PTPRK: variants seen among roughly 807,000 people sequenced by gnomAD.
PTPRK encodes the protein receptor-type tyrosine-protein phosphatase kappa.
A neutral mutation model predicts 178.0 loss-of-function variants in PTPRK; 75 were observed. The ratio of observed to expected loss-of-function variants is 0.42; its 90% CI spans 0.35 to 0.51. PTPRK has a LOEUF of 0.51. Among genes scored for constraint, PTPRK ranks in the 20% least tolerant of loss-of-function variants. The pLI, the probability that PTPRK is intolerant of heterozygous loss-of-function variation, is 0.02. For missense variants in PTPRK, 1,441 were observed against 1,797.8 expected (o/e 0.80, Z 3.59); for synonymous variants, 637 against 620.6 (o/e 1.03, Z -0.39).
intron 1 of PTPRK, among the ~76,000 whole-genome samples, chr6:128,514,427 C>T (rs1187655069): frequency 6.6e-6 from 1 of 151,076 alleles, no homozygotes; most frequent in African/African-American, 2.4e-5. Flanking sequence ...TACATACTTA[C>T]ATCTTTCACA....
chr6:128,344,293 AG>A (rs1832095439), intron 2 of PTPRK, among the ~76,000 whole-genome samples: 1 of 152,148 alleles, frequency 6.6e-6, no homozygotes, highest in Admixed American at 6.5e-5. Context: ...TCCCACTCTC[AG>A]AAACCCTCCC....
chr6:128,082,424 T>C lies in PTPRK; in HGVS notation c.1777+13A>G, dbSNP rs6907300. The C allele has an allele frequency of 0.018, 27,939 of 1,578,498 alleles. 337 individuals are homozygous for C. Among genetic ancestry groups the C allele is most frequent in the Non-Finnish European group, 0.022 (25,561 of 1,147,648 alleles). On this transcript the variant is annotated intron_variant, in intron 10 of 29. Transcript: ENST00000368226. Reference sequence around the variant, plus strand: ...CATAATCAATCCTATTTGTAATTTATTCATTTGCATACCTGAGATATTGGT... The same window carrying C: ...CATAATCAATCCTATTTGTAATTTACTCATTTGCATACCTGAGATATTGGT...
intron 3 of PTPRK, among the ~76,000 whole-genome samples, chr6:128,280,222 C>A (rs1328563567): frequency 6.6e-6 from 1 of 152,100 alleles, no homozygotes; most frequent in African/African-American, 2.4e-5. Flanking sequence ...TTCTTGGTAA[C>A]CAGGTATCCT....
At chr6:128,281,853 C>G (rs1045664982) in intron 3 of PTPRK, among the ~76,000 whole-genome samples, 1 of 152,124 alleles carries the variant, frequency 6.6e-6, no homozygotes, top group South Asian at 2.1e-4. Flanking sequence ...CCATGAATCC[C>G]TATCAGAATT....
At chr6:128,278,399 G>C (rs1481727831) in intron 3 of PTPRK, among the ~76,000 whole-genome samples, 3 of 151,942 alleles carry the variant, frequency 2.0e-5, no homozygotes, top group Non-Finnish European at 4.4e-5. Flanking sequence ...TTTGTGATCT[G>C]CCCACCTTGG....
intron 11 of PTPRK, among the ~76,000 whole-genome samples, chr6:128,068,987 A>C (rs1009727553): frequency 2.0e-5 from 3 of 151,690 alleles, no homozygotes; most frequent in Non-Finnish European, 4.4e-5. Context: ...GAGAGAGGAG[A>C]GAGAGAGATA....
At chr6:128,271,697 G>T (rs773820028) in intron 3 of PTPRK, among the ~76,000 whole-genome samples, 8 of 151,958 alleles carry the variant, frequency 5.3e-5, no homozygotes, top group African/African-American at 9.7e-5. Context: ...AACTTTGAAG[G>T]AGTCATTAGT....
chr6:128,259,234 T>C (rs529384742), intron 3 of PTPRK, among the ~76,000 whole-genome samples: 77 of 152,250 alleles, frequency 5.1e-4, no homozygotes, highest in African/African-American at 6.7e-4. Context: ...CTCCACCCTA[T>C]AGGCTAGGTT....
intron 2 of PTPRK, among the ~76,000 whole-genome samples, chr6:128,369,139 T>TTATCCTGAAAGTACATTTATATACTGA (rs11275324): frequency 6.6e-6 from 1 of 151,806 alleles, no homozygotes; most frequent in South Asian, 2.1e-4. Context: ...GGGAAAGAGG[T>TTATCCTGAAAGTACATTTATATACTGA]TATTTCCCCA....
At chr6:128,133,845 C>A (rs918296608) in intron 7 of PTPRK, among the ~76,000 whole-genome samples, 2 of 152,012 alleles carry the variant, frequency 1.3e-5, no homozygotes, top group African/African-American at 2.4e-5. Flanking sequence ...AGCCACTACA[C>A]CTAGCCTAAA....
chr6:128,352,435 G>C lies in PTPRK; in HGVS notation c.224-30125C>G, dbSNP rs1025155272. On this transcript the variant is annotated intron_variant, in intron 2 of 29. Transcript: ENST00000368226. Reference sequence around the variant, plus strand: ...ACCTCTAGTTGCAGATCACTGTACAGTCCAGATTTGATTGCCTCTTCCTTG... The same window carrying C: ...ACCTCTAGTTGCAGATCACTGTACACTCCAGATTTGATTGCCTCTTCCTTG... Among the ~76,000 whole-genome samples, 94 of 147,240 alleles carry C rather than the reference G, an allele frequency of 6.4e-4. 2 individuals are homozygous for C. Among genetic ancestry groups the C allele is most frequent in the Admixed American group, 7.5e-4 (11 of 14,694 alleles).
intron 3 of PTPRK, among the ~76,000 whole-genome samples, chr6:128,268,545 G>T (rs980786004): frequency 6.6e-6 from 1 of 151,914 alleles, no homozygotes; most frequent in Non-Finnish European, 1.5e-5. Context: ...AAAGACAGGC[G>T]AAAAATGTAA....
intron 6 of PTPRK, among the ~76,000 whole-genome samples, chr6:128,191,900 G>A (rs1262592350): frequency 1.3e-5 from 2 of 152,054 alleles, no homozygotes; most frequent in African/African-American, 4.8e-5. Context: ...TTGAGGAGGA[G>A]AGTGCAAGCT....
chr6:128,176,245 T>G (rs1349628118), intron 7 of PTPRK, among the ~76,000 whole-genome samples: 2 of 151,918 alleles, frequency 1.3e-5, no homozygotes, highest in African/African-American at 4.8e-5. Flanking sequence ...TAGTAAATTT[T>G]GGGTAGGTTG....
chr6:128,117,478 T>C (rs1791730930), intron 7 of PTPRK, among the ~76,000 whole-genome samples: 1 of 152,168 alleles, frequency 6.6e-6, no homozygotes, highest in African/African-American at 2.4e-5. Context: ...ATTAGTAAGT[T>C]TGAATCCATT....
intron 13 of PTPRK, among the ~76,000 whole-genome samples, chr6:128,012,590 C>G (rs1242398910): frequency 6.6e-6 from 1 of 150,902 alleles, no homozygotes; most frequent in Admixed American, 6.6e-5. Flanking sequence ...ATTCTTTGTA[C>G]AACGAGAAAA....
intron 1 of PTPRK, chr6:128,472,666 C>A (rs1850857817): frequency 5.7e-6 from 2 of 349,066 alleles, no homozygotes; most frequent in Non-Finnish European, 1.1e-5. Flanking sequence ...TTGCATACAA[C>A]TTGCTCTTTA....
At chr6:128,200,420 A>T (rs78778667) in intron 6 of PTPRK, among the ~76,000 whole-genome samples, 1,640 of 152,230 alleles carry the variant, frequency 0.011, 31 homozygotes, top group African/African-American at 0.036. Flanking sequence ...AACTTCCTCC[A>T]CAGCATACAT....
At chr6:128,073,078 A>T (rs1168584669) in intron 11 of PTPRK, among the ~76,000 whole-genome samples, 1 of 152,120 alleles carries the variant, frequency 6.6e-6, no homozygotes, top group East Asian at 1.9e-4. Flanking sequence ...ATGATTTGAT[A>T]TTATACTGTT....
Sources: gnomAD v4.1 joint callset for allele counts (sites outside exome capture counted in the v4.1 genomes callset) on GRCh38, gnomAD v4.1.1 for gene constraint, MANE v1.5 for transcripts, NCBI Gene and HGNC (gene_info 2026-07-23, HGNC 2026-07-21) for gene names.